Variants in CRACD observed in about 807,000 individuals in gnomAD.
CRACD encodes the protein capping protein-inhibiting regulator of actin dynamics.
In CRACD, 56 loss-of-function variants were observed where a neutral mutation model predicts 106.8. That is an observed-to-expected ratio of 0.52 (90% CI 0.42 to 0.66). CRACD has a LOEUF of 0.66. Among genes scored for constraint, CRACD ranks in the 30% least tolerant of loss-of-function variants. The pLI is 0.00. For synonymous variants in CRACD, 754 were observed against 670.8 expected (o/e 1.12, Z -1.92); for missense variants, 1,730 against 1,623.2 (o/e 1.07, Z -1.13).
chr4:56,177,217 T>C (rs530151218), intron 1 of CRACD, among the ~76,000 whole-genome samples: 1 of 152,228 alleles, frequency 6.6e-6, no homozygotes, highest in Non-Finnish European at 1.5e-5. Flanking sequence ...ACACGGACTT[T>C]ATTGTCTTGA....
rs141903626 is a variant in CRACD at position 56,055,512 on chromosome 4, C to T, written c.-336+6213C>T. Among the ~76,000 whole-genome samples, 97 of 152,110 alleles carry T rather than the reference C, an allele frequency of 6.4e-4. 1 individual carries two copies. The East Asian group carries it at 0.016, about 26-fold the overall frequency. On this transcript the variant is annotated intron_variant, in intron 1 of 10. Transcript: ENST00000682029. ...TCGGGTGGGGGCCACAGCTCATGTT[C>T]TTAGGGAAGATTGTGACAGATCCAG...
intron 2 of CRACD, among the ~76,000 whole-genome samples, chr4:56,255,664 A>T (rs569028446): frequency 5.9e-5 from 9 of 152,298 alleles, no homozygotes; most frequent in African/African-American, 2.2e-4. Context: ...TTTACGGGCC[A>T]TCCATGTCAG....
In CRACD at chr4:56,214,652, ACTCTCTCTCTCT is replaced by A. The variant is rs572003455; in HGVS notation, c.-189+35241_-189+35252del. Among the ~76,000 whole-genome samples the A allele has an allele frequency of 2.4e-3, 249 of 101,876 alleles. 11 individuals carry two copies. The highest frequency in any genetic ancestry group is 5.4e-3 in the Middle Eastern group (1 of 184). 66.8% of individuals were successfully genotyped at this position (101,876 alleles called of 152,430 possible). ...CTCCAGCCTGGCGACAGAGCTAGAC[ACTCTCTCTCTCT>A]CTCTCTCTCTCTCTCTCTATATATA... On this transcript the variant is annotated intron_variant, in intron 2 of 10. Coordinates refer to ENST00000682029, the MANE Select transcript of CRACD (RefSeq NM_001393381.1).
chr4:56,068,174 G>A (rs931754508), intron 1 of CRACD, among the ~76,000 whole-genome samples: 2 of 152,160 alleles, frequency 1.3e-5, no homozygotes, highest in African/African-American at 4.8e-5. Context: ...CAGGAACAGC[G>A]TCTCTGAGAA....
chr4:56,217,841 G>A (rs1413648341), intron 2 of CRACD, among the ~76,000 whole-genome samples: 2 of 152,212 alleles, frequency 1.3e-5, no homozygotes, highest in Non-Finnish European at 2.9e-5. Flanking sequence ...TCAGTTGGTT[G>A]TGGGAGCTTA....
At chr4:56,241,245 A>G (rs781313132) in intron 2 of CRACD, among the ~76,000 whole-genome samples, 1 of 152,080 alleles carries the variant, frequency 6.6e-6, no homozygotes, top group African/African-American at 2.4e-5. Context: ...GTTTATTGCA[A>G]CCAAAGGGTC....
intron 10 of CRACD, among the ~76,000 whole-genome samples, chr4:56,326,252 A>G (rs1163233523): frequency 1.6e-5 from 2 of 126,382 alleles, no homozygotes; most frequent in Non-Finnish European, 3.5e-5. Flanking sequence ...ATGCTGTGTA[A>G]TTTCTTAAGA....
intron 3 of CRACD, among the ~76,000 whole-genome samples, chr4:56,282,037 A>C (rs2109674268): frequency 6.6e-6 from 1 of 152,326 alleles, no homozygotes; most frequent in South Asian, 2.1e-4. Context: ...AAGTCAGATA[A>C]TCTGACTCCA....
chr4:56,317,976 A>G (rs1274931077), intron 8 of CRACD, among the ~76,000 whole-genome samples: 1 of 152,116 alleles, frequency 6.6e-6, no homozygotes, highest in African/African-American at 2.4e-5. Flanking sequence ...GTCAAAGCCA[A>G]AAGTTACTCA....
intron 2 of CRACD, among the ~76,000 whole-genome samples, chr4:56,267,973 C>T (rs1226866251): frequency 6.6e-6 from 1 of 152,192 alleles, no homozygotes; most frequent in Non-Finnish European, 1.5e-5. Context: ...CTCTCCCAGC[C>T]TTTTTCTCAT....
Position 56,302,658 on chromosome 4 carries a change from T to A in CRACD, c.120+4309T>A, listed in dbSNP as rs1420469875. On this transcript the variant is annotated intron_variant, in intron 4 of 10. Transcript: ENST00000682029. ...ATTCTGTATGCTTTTTCTTTTTTTT[T>A]ATTATTATTCATTTTAACTATGGAG... is the stretch of plus-strand genomic sequence containing the variant. Among the ~76,000 whole-genome samples the A allele has an allele frequency of 2.6e-5, 4 of 152,196 alleles. No individual in the cohort carries two copies. In the East Asian group the frequency reaches 7.7e-4, roughly 29 times the overall value.
chr4:56,065,997 C>T (rs943707349), intron 1 of CRACD, among the ~76,000 whole-genome samples: 3 of 152,188 alleles, frequency 2.0e-5, no homozygotes, highest in Admixed American at 6.5e-5. Flanking sequence ...GGTTTATTCA[C>T]GTGGTAGCAT....
chr4:56,199,438 C>T lies in CRACD; in HGVS notation c.-189+20008C>T, dbSNP rs573278264. Among the ~76,000 whole-genome samples, 585 of 152,184 alleles carry T rather than the reference C, an allele frequency of 3.8e-3. 2 individuals carry two copies. Among genetic ancestry groups the T allele is most frequent in the Non-Finnish European group, 4.9e-3 (332 of 68,010 alleles). On this transcript the variant is annotated intron_variant, in intron 2 of 10. Coordinates refer to ENST00000682029, the MANE Select transcript of CRACD (RefSeq NM_001393381.1). ...GTGGCTCATGCCTGTAATCCCAGCACTTTGGGAGGCCGAGGCGGGTGAATC... is the reference window on the plus strand; with the variant it reads ...GTGGCTCATGCCTGTAATCCCAGCATTTTGGGAGGCCGAGGCGGGTGAATC...
At chr4:56,252,967 A>T (rs1186212911) in intron 2 of CRACD, among the ~76,000 whole-genome samples, 1 of 152,214 alleles carries the variant, frequency 6.6e-6, no homozygotes, top group Non-Finnish European at 1.5e-5. Flanking sequence ...TGCAGCTTTG[A>T]GGTTCACATG....
At chr4:56,272,165 G>A (rs759507999) in intron 2 of CRACD, among the ~76,000 whole-genome samples, 156 bp from the exon 3 acceptor site, 43 of 152,202 alleles carry the variant, frequency 2.8e-4, no homozygotes, top group Non-Finnish European at 1.0e-4. Flanking sequence ...GGCTGGCGCC[G>A]ACATTCCTGG....
chr4:56,201,591 T>G (rs563417899), intron 2 of CRACD, among the ~76,000 whole-genome samples: 1 of 152,206 alleles, frequency 6.6e-6, no homozygotes, highest in African/African-American at 2.4e-5. Context: ...ATGAAATGCA[T>G]TTACGGAAGT....
chr4:56,130,183 A>T (rs545757262), intron 1 of CRACD, among the ~76,000 whole-genome samples: 47 of 152,110 alleles, frequency 3.1e-4, no homozygotes, highest in Non-Finnish European at 5.7e-4. Context: ...AGGTGGGAGG[A>T]TTGCTTGAGC....
intron 1 of CRACD, among the ~76,000 whole-genome samples, chr4:56,063,473 C>A (rs571514125): frequency 4.9e-4 from 75 of 152,306 alleles, no homozygotes; most frequent in African/African-American, 1.7e-3. Context: ...GGCATCACCA[C>A]TGTCCATTTT....
intron 2 of CRACD, among the ~76,000 whole-genome samples, chr4:56,204,305 A>G (rs2109479536): frequency 6.6e-6 from 1 of 152,312 alleles, no homozygotes; most frequent in East Asian, 1.9e-4. Flanking sequence ...TTGTGCTGCT[A>G]TAACAGAATA....
Sources: allele counts gnomAD v4.1 joint callset (sites outside exome capture counted in the v4.1 genomes callset), GRCh38; gene constraint gnomAD v4.1.1; transcripts MANE v1.5; gene names NCBI Gene and HGNC (gene_info 2026-07-23, HGNC 2026-07-21).